The following CYB5R4 variants were observed in gnomAD, a reference collection of about 807,000 sequenced individuals.
CYB5R4 encodes the protein cytochrome b5 reductase 4.
Under a neutral mutation model 70.2 loss-of-function variants are expected in CYB5R4, and 55 were observed. That is an observed-to-expected ratio of 0.78 (90% CI 0.63 to 0.98). The LOEUF (loss-of-function observed/expected upper bound fraction) is 0.98, where lower values mean the gene tolerates loss of function less well. Among genes scored for constraint, CYB5R4 ranks in the 50% least tolerant of loss-of-function variants. The pLI is 0.00. For synonymous variants in CYB5R4, 197 were observed against 199.5 expected, an observed-to-expected ratio of 0.99 and a Z score of 0.11; for missense variants, 562 against 612.6, an observed-to-expected ratio of 0.92 and a Z score of 0.87.
At chr6:83,946,354 C>T (rs1371705660) in intron 14 of CYB5R4, among the ~76,000 whole-genome samples, 1 of 152,074 alleles carries the variant, frequency 6.6e-6, no homozygotes, top group Non-Finnish European at 1.5e-5. Context: ...GCAGAAAAGG[C>T]CTTCAATAAA....
chr6:83,940,000 T>C (rs2099469510), intron 12 of CYB5R4, 56 bp from the exon 13 acceptor site: 1 of 1,370,684 alleles, frequency 7.3e-7, no homozygotes, highest in African/African-American at 1.5e-5. Flanking sequence ...CGCTGGGTTT[T>C]TTGTTTTGTT....
chr6:83,937,240 A>C (rs1028220001), intron 12 of CYB5R4, among the ~76,000 whole-genome samples: 2 of 152,032 alleles, frequency 1.3e-5, no homozygotes, highest in Non-Finnish European at 2.9e-5. Flanking sequence ...GTGCCACTGT[A>C]CTCTAGCCTG....
At chr6:83,939,855 A>G (rs2099469483) in intron 12 of CYB5R4, among the ~76,000 whole-genome samples, 1 of 152,214 alleles carries the variant, frequency 6.6e-6, no homozygotes, top group South Asian at 2.1e-4. Flanking sequence ...TAATTCAGAC[A>G]TACTTAGGGG....
chr6:83,913,478 G>A (rs533079094), intron 4 of CYB5R4, among the ~76,000 whole-genome samples: 1 of 152,130 alleles, frequency 6.6e-6, no homozygotes, highest in South Asian at 2.1e-4. Context: ...ATAATTTGCT[G>A]TATGTGGTAA....
chr6:83,862,656 C>T (rs1228816985), intron 1 of CYB5R4, among the ~76,000 whole-genome samples: 3 of 152,116 alleles, frequency 2.0e-5, no homozygotes, highest in African/African-American at 4.8e-5. Context: ...CCTGGTAAAT[C>T]CCTAGGGAAT....
intron 2 of CYB5R4, among the ~76,000 whole-genome samples, chr6:83,875,358 A>G (rs1309323861): frequency 2.0e-5 from 3 of 151,888 alleles, no homozygotes; most frequent in African/African-American, 7.3e-5. Context: ...CGGTCCTCCT[A>G]TATCAGCCTC....
intron 5 of CYB5R4, among the ~76,000 whole-genome samples, chr6:83,915,713 A>G (rs1436271336): frequency 6.6e-6 from 1 of 152,188 alleles, no homozygotes. Context: ...AGATTGGAAC[A>G]TATCTGTCTA....
intron 14 of CYB5R4, among the ~76,000 whole-genome samples, chr6:83,944,675 C>T (rs548314638): frequency 4.3e-4 from 65 of 151,932 alleles, no homozygotes; most frequent in Middle Eastern, 3.4e-3. Flanking sequence ...ATCAGTGTGC[C>T]GTGTTCAGGA....
At chr6:83,945,580 ATG>A (rs1343814413) in intron 14 of CYB5R4, among the ~76,000 whole-genome samples, 2 of 152,218 alleles carry the variant, frequency 1.3e-5, no homozygotes, top group African/African-American at 4.8e-5. Flanking sequence ...TCAGAGAAAA[ATG>A]TAAGGAGATA....
chr6:83,925,228 G>C (rs2099467093), intron 10 of CYB5R4, among the ~76,000 whole-genome samples: 1 of 152,056 alleles, frequency 6.6e-6, no homozygotes, highest in East Asian at 1.9e-4. Context: ...AGGAGGAGGA[G>C]AGAGATGGGG....
chr6:83,958,205 G>A (rs147496085), intron 15 of CYB5R4, among the ~76,000 whole-genome samples: 2 of 152,166 alleles, frequency 1.3e-5, no homozygotes, highest in African/African-American at 4.8e-5. Context: ...GGCCAATAAT[G>A]GTTCTTTATC....
chr6:83,947,331 T>G (rs992398915), intron 14 of CYB5R4, among the ~76,000 whole-genome samples: 1 of 152,106 alleles, frequency 6.6e-6, no homozygotes, highest in Non-Finnish European at 1.5e-5. Flanking sequence ...TAATAAATGG[T>G]GTTGGGAAAA....
At chr6:83,922,068 T>TAC in intron 8 of CYB5R4, among the ~76,000 whole-genome samples, 1 of 152,238 alleles carries the variant, frequency 6.6e-6, no homozygotes, top group South Asian at 2.1e-4. Flanking sequence ...TTCACATACA[T>TAC]ACACACACAC....
At chr6:83,919,344 G>T in intron 6 of CYB5R4, 53 bp from the exon 7 acceptor site, 1 of 942,896 alleles carries the variant, frequency 1.1e-6, no homozygotes, top group South Asian at 1.6e-5. Flanking sequence ...TAATATATGT[G>T]AATGCACATG....
At chr6:83,892,647 A>G (rs143352797) in intron 2 of CYB5R4, among the ~76,000 whole-genome samples, 19 of 152,232 alleles carry the variant, frequency 1.2e-4, no homozygotes, top group Non-Finnish European at 2.4e-4. Context: ...CAAAATGATT[A>G]AATTCTGAAT....
chr6:83,878,231 T>TA (rs566623039), intron 2 of CYB5R4, among the ~76,000 whole-genome samples: 9 of 151,828 alleles, frequency 5.9e-5, no homozygotes, highest in Non-Finnish European at 7.4e-5. Flanking sequence ...TCCACTAGAT[T>TA]AAAAAAAAAT....
chr6:83,899,101 T>C (rs1201059865), intron 3 of CYB5R4, among the ~76,000 whole-genome samples: 3 of 152,216 alleles, frequency 2.0e-5, no homozygotes, highest in African/African-American at 7.2e-5. Flanking sequence ...GGCTGTGGGT[T>C]TGTCATAGAT....
chr6:83,914,225 A>C (rs1023030189), intron 4 of CYB5R4, among the ~76,000 whole-genome samples, 191 bp from the exon 5 acceptor site: 9 of 152,204 alleles, frequency 5.9e-5, no homozygotes, highest in Non-Finnish European at 1.3e-4. Context: ...ATGGTCTGGC[A>C]GTCTTCAGAG....
intron 4 of CYB5R4, among the ~76,000 whole-genome samples, chr6:83,910,534 C>T (rs995120309): frequency 2.0e-5 from 3 of 152,162 alleles, no homozygotes; most frequent in Non-Finnish European, 2.9e-5. Flanking sequence ...TAAGAAGTCC[C>T]TGGTTAGGGG....
Sources: gnomAD v4.1 joint callset for allele counts (sites outside exome capture counted in the v4.1 genomes callset) on GRCh38, gnomAD v4.1.1 for gene constraint, MANE v1.5 for transcripts, NCBI Gene and HGNC (gene_info 2026-07-23, HGNC 2026-07-21) for gene names.